The following INPP5K variants were observed in gnomAD, a reference collection of about 807,000 sequenced individuals.
The protein encoded by INPP5K is inositol polyphosphate 5-phosphatase K.
INPP5K carries 35 observed loss-of-function variants against 53.5 expected under a neutral mutation model. The observed-to-expected ratio is 0.65, with a 90% CI of 0.50 to 0.87. The LOEUF (loss-of-function observed/expected upper bound fraction) is 0.87, where lower values mean the gene tolerates loss of function less well. INPP5K is among the 40% of genes least tolerant of loss of function. The pLI is 0.00. For synonymous variants in INPP5K, 253 were observed against 232.8 expected (o/e 1.09, Z -0.79); for missense variants, 550 against 586.2 (o/e 0.94, Z 0.64).
Position 1,508,120 on chromosome 17 carries a change from C to T in INPP5K, c.661G>A (p.Asp221Asn). The T allele has an allele frequency of 6.2e-7, 1 of 1,611,908 alleles. No individual in the cohort carries two copies. Among genetic ancestry groups the T allele is most frequent in the Non-Finnish European group, 8.5e-7 (1 of 1,178,024 alleles). Residue 221 changes from aspartate to asparagine, a missense_variant, in exon 6 of 12, where the codon GAC becomes AAC. Asp to Asn is a conservative substitution (Grantham distance 23). Transcript: ENST00000421807. The part of the protein sequence containing the change: ...NRCYGGLWEK[D>N]QLSIAKKHDP... Reference sequence around the variant, plus strand: ...ACCCTCCCCTCACTGGATACCTGGTCCTTCTCCCACAGGCCACCGTAGCAC... The same window carrying T: ...ACCCTCCCCTCACTGGATACCTGGTTCTTCTCCCACAGGCCACCGTAGCAC...
intron 7 of INPP5K, among the ~76,000 whole-genome samples, chr17:1,502,076 A>G (rs370963830): frequency 7.6e-4 from 115 of 150,674 alleles, no homozygotes; most frequent in African/African-American, 1.6e-3. Flanking sequence ...AGGGCCAGGC[A>G]CGGTGGCTCA....
At chr17:1,505,182 G>A (rs2075125535) in intron 7 of INPP5K, among the ~76,000 whole-genome samples, 1 of 152,126 alleles carries the variant, frequency 6.6e-6, no homozygotes, top group Non-Finnish European at 1.5e-5. Flanking sequence ...CTGGAGTGCA[G>A]TGAGTCAATC....
In INPP5K at chr17:1,516,511, T is replaced by G; in HGVS notation, c.-12A>C. 2 of 1,572,432 alleles carry G rather than the reference T, an allele frequency of 1.3e-6. No individual in the cohort carries two copies. Among genetic ancestry groups the G allele is most frequent in the Non-Finnish European group, 1.7e-6 (2 of 1,169,026 alleles). ...TTCCGCGAGCTCATGGCCGCCGTCG[T>G]CCCCGCGCGGTGGTCCGGCAGGTTC... is the stretch of plus-strand genomic sequence containing the variant. On this transcript the variant is annotated 5_prime_UTR_variant, in exon 1 of 12. Coordinates refer to ENST00000421807, the MANE Select transcript of INPP5K (RefSeq NM_016532.4).
At position 1,496,710 on chromosome 17, in the gene INPP5K, A is replaced by G; in HGVS notation, c.1057T>C (p.Ser353Pro). 6.2e-7 allele frequency: 1 copy of G among 1,614,142 alleles called. No individual in the cohort carries two copies. The highest frequency in any genetic ancestry group is 8.5e-7 in the Non-Finnish European group (1 of 1,180,012). The change falls in exon 9 of 12, where the codon TCG becomes CCG. Residue 353 changes from serine to proline, a missense_variant. Transcript: ENST00000421807. Reference protein sequence around the residue: ...NDMMVSYSSTSDFPSSPWDWI... With the variant: ...NDMMVSYSSTPDFPSSPWDWI... ...TCCCACGGGCTGCTGGGGAAGTCCG[A>G]GGTTGAAGAGTAGCTGACCATCATG...
intron 3 of INPP5K, among the ~76,000 whole-genome samples, chr17:1,511,670 C>T (rs2075312825): frequency 1.3e-5 from 2 of 152,136 alleles, no homozygotes; most frequent in Admixed American, 1.3e-4. Flanking sequence ...CTCCTACACC[C>T]AAGCACACGT....
In INPP5K at chr17:1,498,740, G is replaced by A. The variant is rs188042942; in HGVS notation, c.777-618C>T. Among the ~76,000 whole-genome samples the A allele has an allele frequency of 2.5e-3, 377 of 152,208 alleles. 1 individual carries two copies. In the Middle Eastern group the frequency reaches 0.044, roughly 18 times the overall value. ...CCTCAGCCTCCTGAGTGGCTGGGAC[G>A]GTAAGTGCGTGGCACTATGCCTGGC... On this transcript the variant is annotated intron_variant, in intron 7 of 11. Transcript: ENST00000421807.
intron 7 of INPP5K, among the ~76,000 whole-genome samples, chr17:1,504,005 C>T (rs907414193): frequency 3.3e-5 from 5 of 152,176 alleles, no homozygotes. Flanking sequence ...AAACTCTGTG[C>T]CTCCTTCAAG....
At chr17:1,516,314 G>A (rs772257983) in intron 1 of INPP5K, 142 bp downstream of exon 1, 22 of 1,030,842 alleles carry the variant, frequency 2.1e-5, no homozygotes, top group Non-Finnish European at 3.0e-5. Context: ...CAGCCCACCT[G>A]ACACAGGCGT....
intron 3 of INPP5K, among the ~76,000 whole-genome samples, 155 bp downstream of exon 3, chr17:1,513,298 G>A (rs1360398088): frequency 2.0e-5 from 3 of 152,170 alleles, no homozygotes; most frequent in Non-Finnish European, 4.4e-5. Context: ...CAGGGGCCCC[G>A]GGGTCCAGGT....
intron 6 of INPP5K, chr17:1,507,405 G>C (rs1036631119): frequency 3.4e-5 from 11 of 321,588 alleles, no homozygotes; most frequent in Non-Finnish European, 6.2e-5. Context: ...GGGGAACCTG[G>C]GGAAGCCAGG....
At position 1,509,069 on chromosome 17, in the gene INPP5K, G is replaced by A. The variant is rs538918431; in HGVS notation, c.554+109C>T. 2.9e-4 allele frequency: 282 copies of A among 978,602 alleles called. No homozygotes were observed. In the African/African-American group the frequency reaches 4.2e-3, roughly 15 times the overall value. The allele number at this position is 978,602 out of a possible 1,614,324, so 60.6% of individuals were successfully genotyped here. On this transcript the variant is annotated intron_variant, in intron 5 of 11. Transcript: ENST00000421807. ...CCCAGGCTCACTCGTGGGGGTCAGC[G>A]TGGGGCAGAGGGCGGGGAGCGGTCT...
chr17:1,512,295 C>T (rs555949292), intron 3 of INPP5K, among the ~76,000 whole-genome samples: 71 of 152,232 alleles, frequency 4.7e-4, no homozygotes, highest in African/African-American at 1.5e-3. Flanking sequence ...AAGGGAGTGG[C>T]GGGTGAGAGA....
chr17:1,503,961 A>C (rs936019459), intron 7 of INPP5K, among the ~76,000 whole-genome samples: 1 of 152,104 alleles, frequency 6.6e-6, no homozygotes, highest in Non-Finnish European at 1.5e-5. Context: ...CAGTGTGCTG[A>C]CTGATTGGAA....
At chr17:1,516,392 C>G (rs1002955948) in intron 1 of INPP5K, 64 bp downstream of exon 1, 9 of 1,514,162 alleles carry the variant, frequency 5.9e-6, no homozygotes, top group Non-Finnish European at 7.1e-6. Flanking sequence ...CCACCCCCAG[C>G]CCGCAGCCCA....
At chr17:1,504,663 T>C (rs1200253007) in intron 7 of INPP5K, among the ~76,000 whole-genome samples, 1 of 152,272 alleles carries the variant, frequency 6.6e-6, no homozygotes, top group Non-Finnish European at 1.5e-5. Context: ...GTTGCTTTCC[T>C]TGTAAACAGG....
At chr17:1,500,301 C>A (rs1196682900) in intron 7 of INPP5K, among the ~76,000 whole-genome samples, 1 of 152,240 alleles carries the variant, frequency 6.6e-6, no homozygotes, top group African/African-American at 2.4e-5. Flanking sequence ...CTGCCTGGAA[C>A]ACCTTTCTTC....
intron 1 of INPP5K, chr17:1,515,907 A>C (rs2075423153): frequency 1.0e-6 from 1 of 986,758 alleles, no homozygotes; most frequent in Non-Finnish European, 1.2e-6. Context: ...ATGGAGAGCA[A>C]AAGTCCGGAT....
chr17:1,513,882 A>G lies in INPP5K; in HGVS notation c.142T>C (p.Tyr48His), dbSNP rs374824510. 1.4e-5 allele frequency: 22 copies of G among 1,611,894 alleles called. No homozygotes were observed. The highest frequency in any genetic ancestry group is 8.9e-5 in the East Asian group (4 of 44,870). The change falls in exon 2 of 12, where the codon TAT (tyrosine) becomes CAT (histidine). Residue 48 changes from tyrosine (Y) to histidine (H), a missense_variant. Tyr to His is a moderately conservative substitution (Grantham distance 83). Transcript: ENST00000421807. ...LNNRNLNLDI[Y>H]VIGLQELNSG... ...CCTGCAGATACCTACCCAATAACAT[A>G]TATGTCAAGATTGAGGTTCCGGTTG...
At chr17:1,514,533 C>G (rs1351165741) in intron 1 of INPP5K, among the ~76,000 whole-genome samples, 1 of 152,144 alleles carries the variant, frequency 6.6e-6, no homozygotes, top group African/African-American at 2.4e-5. Flanking sequence ...CCACCCACAC[C>G]CGGCAGCACT....
Sources: gnomAD v4.1 joint callset for allele counts (sites outside exome capture counted in the v4.1 genomes callset) on GRCh38, gnomAD v4.1.1 for gene constraint, MANE v1.5 for transcripts, NCBI Gene and HGNC (gene_info 2026-07-23, HGNC 2026-07-21) for gene names.